Variants in TLN2 observed in about 807,000 individuals in gnomAD.
TLN2 encodes the protein talin 2, also known as talin-2.
A neutral mutation model predicts 294.7 loss-of-function variants in TLN2; 118 were observed. The ratio of observed to expected loss-of-function variants is 0.40; its 90% CI spans 0.34 to 0.47. TLN2 has a LOEUF of 0.47. TLN2 is among the 20% of genes least tolerant of loss of function. The probability of loss-of-function intolerance (pLI) is 0.84; values close to 1 mark genes in which losing one functional copy is unlikely to be tolerated. For missense variants in TLN2, 3,083 were observed against 3,282.2 expected (o/e 0.94, Z 1.48); for synonymous variants, 1,431 against 1,304.5 (o/e 1.10, Z -2.09).
rs796825173 is a variant in TLN2, at chr15:62,650,828, G to C, written c.234+647G>C. Among the ~76,000 whole-genome samples the C allele has an allele frequency of 3.9e-5, 6 of 152,212 alleles. 1 individual carries two copies. Among genetic ancestry groups the C allele is most frequent in the African/African-American group, 1.4e-4 (6 of 41,542 alleles). ...AATTAATTTGGATAAGAAATGAATA[G>C]TTTAGTTTTAGGAAGTTCATACTTC... is the stretch of plus-strand genomic sequence containing the variant. On this transcript the variant is annotated intron_variant, in intron 5 of 58. Transcript: ENST00000636159.
At position 62,550,319 on chromosome 15, in the gene TLN2, G is replaced by A. The variant is rs367897567; in HGVS notation, c.-237-39368G>A. 1.1e-4 allele frequency among the ~76,000 whole-genome samples: 16 copies of A among 152,234 alleles called. No individual in the cohort carries two copies. In the South Asian group the frequency reaches 1.7e-3, roughly 16 times the overall value. On this transcript the variant is annotated intron_variant, in intron 1 of 58. Coordinates refer to ENST00000636159, the MANE Select transcript of TLN2 (RefSeq NM_015059.3). ...ATTTACAGGGGGGAAAATACCTCTCGGAATAATGACTTGGCTCTAAACTCA... is the reference window on the plus strand; with the variant it reads ...ATTTACAGGGGGGAAAATACCTCTCAGAATAATGACTTGGCTCTAAACTCA...
chr15:62,453,258 AT>A (rs35433926), intron 1 of TLN2, among the ~76,000 whole-genome samples: 99,209 of 143,392 alleles, frequency 0.69, 34,276 homozygotes, highest in East Asian at 0.97. Context: ...TTGTCAACCT[AT>A]TTTTTTTTTT....
chr15:62,531,390 G>GT (rs2041033206), intron 1 of TLN2, among the ~76,000 whole-genome samples: 1 of 152,200 alleles, frequency 6.6e-6, no homozygotes, highest in African/African-American at 2.4e-5. Context: ...TAGAATGGTG[G>GT]TTACCAGGGG....
chr15:62,511,563 C>A (rs2039938157), intron 1 of TLN2, among the ~76,000 whole-genome samples: 1 of 152,204 alleles, frequency 6.6e-6, no homozygotes, highest in Non-Finnish European at 1.5e-5. Flanking sequence ...GCTCCCCTAC[C>A]TGCTGTAGGC....
intron 1 of TLN2, among the ~76,000 whole-genome samples, chr15:62,409,648 G>A (rs1345008264): frequency 6.6e-6 from 1 of 152,122 alleles, no homozygotes; most frequent in Non-Finnish European, 1.5e-5. Context: ...ATTCAAGGAG[G>A]CTTTGTGGTT....
At chr15:62,509,401 C>T (rs1239257810) in intron 1 of TLN2, among the ~76,000 whole-genome samples, 2 of 152,168 alleles carry the variant, frequency 1.3e-5, no homozygotes, top group Non-Finnish European at 2.9e-5. Flanking sequence ...AGCTCTATTT[C>T]TGTTACTTTC....
chr15:62,558,570 A>G (rs982019485), intron 1 of TLN2, among the ~76,000 whole-genome samples: 2 of 152,214 alleles, frequency 1.3e-5, no homozygotes, highest in African/African-American at 4.8e-5. Context: ...CAAGAGAAAA[A>G]CCAAATTATT....
chr15:62,826,114 G>C (rs1260407570), intron 54 of TLN2, among the ~76,000 whole-genome samples: 2 of 151,474 alleles, frequency 1.3e-5, no homozygotes, highest in African/African-American at 4.9e-5. Context: ...CACAGACACA[G>C]AAAGGGGGCT....
chr15:62,559,520 T>G (rs768593409), intron 1 of TLN2, among the ~76,000 whole-genome samples: 3 of 152,230 alleles, frequency 2.0e-5, no homozygotes, highest in Non-Finnish European at 4.4e-5. Context: ...ACCATGTGCA[T>G]TATATCACTA....
At chr15:62,710,972 C>A (rs992857491) in intron 21 of TLN2, among the ~76,000 whole-genome samples, 2 of 151,892 alleles carry the variant, frequency 1.3e-5, no homozygotes, top group African/African-American at 4.8e-5. Context: ...GTGATCCGCC[C>A]ACCTCGGCCT....
intron 11 of TLN2, among the ~76,000 whole-genome samples, chr15:62,682,727 C>T (rs993910584): frequency 1.3e-5 from 2 of 152,112 alleles, no homozygotes; most frequent in African/African-American, 4.8e-5. Flanking sequence ...TCATGATCTG[C>T]TACACCAAAA....
At chr15:62,489,606 T>A (rs1368770061) in intron 1 of TLN2, among the ~76,000 whole-genome samples, 1 of 152,180 alleles carries the variant, frequency 6.6e-6, no homozygotes, top group Non-Finnish European at 1.5e-5. Context: ...TCAGTTCTCC[T>A]CCCTTTAAGG....
chr15:62,821,988 C>T (rs193141144), intron 54 of TLN2, among the ~76,000 whole-genome samples: 8 of 152,248 alleles, frequency 5.3e-5, no homozygotes, highest in African/African-American at 9.6e-5. Context: ...GGGCTCTGTC[C>T]GCTAATGCCG....
At chr15:62,504,163 C>T (rs987896705) in intron 1 of TLN2, among the ~76,000 whole-genome samples, 5 of 152,182 alleles carry the variant, frequency 3.3e-5, no homozygotes, top group African/African-American at 1.2e-4. Flanking sequence ...TCTTGTTGAA[C>T]TCTGATAGGT....
At chr15:62,435,503 GTCTTTT>G (rs149543001) in intron 1 of TLN2, among the ~76,000 whole-genome samples, 1,597 of 151,952 alleles carry the variant, frequency 0.011, 34 homozygotes, top group African/African-American at 0.035. Flanking sequence ...TTGTGTTGTT[GTCTTTT>G]TCTTATTGAT....
At chr15:62,524,300 A>C (rs2040617999) in intron 1 of TLN2, among the ~76,000 whole-genome samples, 7 of 152,146 alleles carry the variant, frequency 4.6e-5, no homozygotes, top group Admixed American at 4.6e-4. Context: ...CTGTGAGTAG[A>C]AGCTTTGTCA....
chr15:62,798,530 C>G (rs965149608), intron 48 of TLN2, among the ~76,000 whole-genome samples: 18 of 149,804 alleles, frequency 1.2e-4, no homozygotes, highest in African/African-American at 3.9e-4. Context: ...TCCCAGAGTG[C>G]AAAATTTAAA....
At chr15:62,548,194 A>G (rs1453306134) in intron 1 of TLN2, among the ~76,000 whole-genome samples, 1 of 152,216 alleles carries the variant, frequency 6.6e-6, no homozygotes, top group African/African-American at 2.4e-5. Flanking sequence ...CTGGAAGACC[A>G]GACAGGATTT....
At chr15:62,516,543 T>C (rs1288873139) in intron 1 of TLN2, among the ~76,000 whole-genome samples, 1 of 152,212 alleles carries the variant, frequency 6.6e-6, no homozygotes, top group Non-Finnish European at 1.5e-5. Flanking sequence ...TAGTGACCTA[T>C]AATTATCTCA....
Sources: gnomAD v4.1 joint callset for allele counts (sites outside exome capture counted in the v4.1 genomes callset) on GRCh38, gnomAD v4.1.1 for gene constraint, MANE v1.5 for transcripts, NCBI Gene and HGNC (gene_info 2026-07-23, HGNC 2026-07-21) for gene names.